ERBB4: variants seen among roughly 807,000 people sequenced by gnomAD.
ERBB4 encodes the protein erb-b2 receptor tyrosine kinase 4, also known as receptor tyrosine-protein kinase erbB-4.
In ERBB4, 42 loss-of-function variants were observed where a neutral mutation model predicts 158.0. The observed-to-expected ratio is 0.27, with a 90% CI of 0.21 to 0.34. The LOEUF is 0.34. Among genes scored for constraint, ERBB4 ranks in the 10% least tolerant of loss-of-function variants. The probability of loss-of-function intolerance (pLI) is 1.00; values close to 1 mark genes in which losing one functional copy is unlikely to be tolerated. For synonymous variants in ERBB4, 583 were observed against 558.7 expected (o/e 1.04, Z -0.61); for missense variants, 1,333 against 1,624.1 (o/e 0.82, Z 3.08).
chr2:212,171,517 G>T (rs765788772), intron 1 of ERBB4, among the ~76,000 whole-genome samples: 4 of 152,038 alleles, frequency 2.6e-5, no homozygotes, highest in Non-Finnish European at 5.9e-5. Context: ...GAATGATATG[G>T]TTTGGCTCTG....
At chr2:211,812,011 C>T (rs2076767522) in intron 3 of ERBB4, among the ~76,000 whole-genome samples, 1 of 152,252 alleles carries the variant, frequency 6.6e-6, no homozygotes, top group Non-Finnish European at 1.5e-5. Context: ...TACCGACCTT[C>T]TGAAGCCTCC....
At chr2:212,179,918 C>T (rs1268637903) in intron 1 of ERBB4, among the ~76,000 whole-genome samples, 1 of 151,470 alleles carries the variant, frequency 6.6e-6, no homozygotes, top group Non-Finnish European at 1.5e-5. Flanking sequence ...AAGCTAATGG[C>T]ACATGTGTGA....
At chr2:211,854,886 G>C (rs1337734340) in intron 3 of ERBB4, among the ~76,000 whole-genome samples, 1 of 152,026 alleles carries the variant, frequency 6.6e-6, no homozygotes, top group African/African-American at 2.4e-5. Flanking sequence ...TGAATTCTAA[G>C]TTTCTAGATC....
chr2:212,062,859 T>C (rs1464482057), intron 2 of ERBB4, among the ~76,000 whole-genome samples: 2 of 152,222 alleles, frequency 1.3e-5, no homozygotes, highest in Non-Finnish European at 1.5e-5. Context: ...CTGTGTATAA[T>C]GTCATCTCCA....
At chr2:211,673,696 T>C (rs1233232612) in intron 13 of ERBB4, among the ~76,000 whole-genome samples, 1 of 152,036 alleles carries the variant, frequency 6.6e-6, no homozygotes, top group East Asian at 1.9e-4. Context: ...TACATGAATG[T>C]TCCCAATCCT....
chr2:211,932,851 T>A (rs992726542), intron 3 of ERBB4, among the ~76,000 whole-genome samples: 14 of 152,044 alleles, frequency 9.2e-5, no homozygotes, highest in African/African-American at 3.4e-4. Context: ...GACATTAAAA[T>A]TAACATGAAA....
intron 2 of ERBB4, among the ~76,000 whole-genome samples, chr2:212,041,635 C>G (rs1331099781): frequency 6.7e-6 from 1 of 150,206 alleles, no homozygotes; most frequent in Non-Finnish European, 1.5e-5. Context: ...TTACCGCGTT[C>G]TTTCAAAGCT....
At chr2:212,132,321 G>A (rs2080130142) in intron 1 of ERBB4, among the ~76,000 whole-genome samples, 1 of 152,162 alleles carries the variant, frequency 6.6e-6, no homozygotes, top group Non-Finnish European at 1.5e-5. Context: ...ATGGGCCTGT[G>A]ATGGTTAATT....
At chr2:211,904,016 A>G (rs1400593117) in intron 3 of ERBB4, among the ~76,000 whole-genome samples, 1 of 152,168 alleles carries the variant, frequency 6.6e-6, no homozygotes, top group East Asian at 1.9e-4. Flanking sequence ...TAGTGCTATA[A>G]GAAGAATATT....
At chr2:211,463,466 A>G (rs78209419) in intron 20 of ERBB4, among the ~76,000 whole-genome samples, 2,372 of 152,250 alleles carry the variant, frequency 0.016, 59 homozygotes, top group African/African-American at 0.054. Context: ...AGTCTGCTGT[A>G]GCTTCATTAA....
At chr2:212,325,561 A>G (rs1212512968) in intron 1 of ERBB4, among the ~76,000 whole-genome samples, 2 of 150,840 alleles carry the variant, frequency 1.3e-5, no homozygotes, top group Non-Finnish European at 3.0e-5. Flanking sequence ...ATTAGAAAAA[A>G]ATAAAACATA....
At chr2:211,554,974 A>T (rs977791067) in intron 20 of ERBB4, among the ~76,000 whole-genome samples, 2 of 152,186 alleles carry the variant, frequency 1.3e-5, no homozygotes, top group African/African-American at 4.8e-5. Context: ...CTGCTTGCCC[A>T]ACTTATTAGC....
At chr2:211,986,505 A>G (rs1156676728) in intron 2 of ERBB4, among the ~76,000 whole-genome samples, 1 of 152,192 alleles carries the variant, frequency 6.6e-6, no homozygotes, top group Non-Finnish European at 1.5e-5. Context: ...GATTATATTG[A>G]ACTAAAAGCA....
At position 212,324,487 on chromosome 2, in the gene ERBB4, T is replaced by G. The variant is rs1443717824; in HGVS notation, c.83-199584A>C. On this transcript the variant is annotated intron_variant, in intron 1 of 27. Coordinates refer to ENST00000342788, the MANE Select transcript of ERBB4 (RefSeq NM_005235.3). ...GGAGCAGCGGGTTTTTTGTTTTTGT[T>G]TTTTTTTCCTTTAGTTGATTATATT... Among the ~76,000 whole-genome samples, 126 of 149,528 alleles carry G rather than the reference T, an allele frequency of 8.4e-4. 6 individuals carry two copies. The highest frequency in any genetic ancestry group is 7.5e-4 in the Non-Finnish European group (50 of 66,678).
At chr2:212,397,922 T>C (rs2091078119) in intron 1 of ERBB4, among the ~76,000 whole-genome samples, 1 of 152,088 alleles carries the variant, frequency 6.6e-6, no homozygotes, top group Non-Finnish European at 1.5e-5. Flanking sequence ...CTGATAACTC[T>C]TTACTTGCCA....
chr2:212,003,116 G>GAAAGAAAGAAAGAAA (rs1559292040), intron 2 of ERBB4, among the ~76,000 whole-genome samples: 3 of 16,426 alleles, frequency 1.8e-4, no homozygotes, highest in African/African-American at 2.7e-4. Flanking sequence ...AAAGAAAGAA[G>GAAAGAAAGAAAGAAA]GAAGGAAGGA....
chr2:212,288,911 T>C (rs114880180), intron 1 of ERBB4, among the ~76,000 whole-genome samples: 2,641 of 152,104 alleles, frequency 0.017, 76 homozygotes, highest in African/African-American at 0.061. Context: ...TAGATGCAGA[T>C]GTTATATATT....
intron 25 of ERBB4, among the ~76,000 whole-genome samples, chr2:211,412,577 A>C (rs2063285433): frequency 6.6e-6 from 1 of 152,186 alleles, no homozygotes; most frequent in South Asian, 2.1e-4. Context: ...CTGTCTTCCA[A>C]CTTTGTACTC....
At chr2:211,807,197 G>A (rs1419844512) in intron 3 of ERBB4, among the ~76,000 whole-genome samples, 1 of 151,904 alleles carries the variant, frequency 6.6e-6, no homozygotes, top group Non-Finnish European at 1.5e-5. Context: ...ACAACGTGCA[G>A]GTTTGTTACA....
Sources: allele counts gnomAD v4.1 joint callset (sites outside exome capture counted in the v4.1 genomes callset), GRCh38; gene constraint gnomAD v4.1.1; transcripts MANE v1.5; gene names NCBI Gene and HGNC (gene_info 2026-07-23, HGNC 2026-07-21).